The following MAN2A1 variants were observed in gnomAD, a reference collection of about 807,000 sequenced individuals.
MAN2A1 encodes the protein mannosidase alpha class 2A member 1, also known as alpha-mannosidase 2.
A neutral mutation model predicts 142.6 loss-of-function variants in MAN2A1; 76 were observed. The observed-to-expected ratio is 0.53, with a 90% CI of 0.44 to 0.65. The LOEUF is 0.65. Ranked by LOEUF, MAN2A1 falls within the 30% of genes least tolerant of loss-of-function variation. MAN2A1 has a pLI of 0.00. For missense variants in MAN2A1, 1,311 were observed against 1,365.1 expected (o/e 0.96, Z 0.62); for synonymous variants, 559 against 473.2 (o/e 1.18, Z -2.35).
At chr5:109,846,875 G>A (rs1755356927) in intron 18 of MAN2A1, among the ~76,000 whole-genome samples, 1 of 152,110 alleles carries the variant, frequency 6.6e-6, no homozygotes, top group Non-Finnish European at 1.5e-5. Context: ...GATTTTGAAA[G>A]TAGTAATGGT....
At chr5:109,759,034 G>A (rs1752767705) in intron 5 of MAN2A1, among the ~76,000 whole-genome samples, 1 of 151,876 alleles carries the variant, frequency 6.6e-6, no homozygotes, top group Non-Finnish European at 1.5e-5. Context: ...TGCAACTTCC[G>A]TTCTTTTTTT....
At chr5:109,729,623 T>A in intron 4 of MAN2A1, 110 bp downstream of exon 4, 1 of 597,416 alleles carries the variant, frequency 1.7e-6, no homozygotes, top group Non-Finnish European at 2.7e-6. Flanking sequence ...ATTTGAAACT[T>A]AAAATATTTC....
At chr5:109,772,012 A>G (rs1753159230) in intron 7 of MAN2A1, among the ~76,000 whole-genome samples, 3 of 152,110 alleles carry the variant, frequency 2.0e-5, no homozygotes, top group South Asian at 2.1e-4. Flanking sequence ...CCTTGTGCTC[A>G]TTTAGTTCCA....
intron 12 of MAN2A1, among the ~76,000 whole-genome samples, chr5:109,790,253 A>G (rs1304547308): frequency 2.6e-5 from 4 of 151,908 alleles, no homozygotes; most frequent in Non-Finnish European, 5.9e-5. Flanking sequence ...TGCCAATTAT[A>G]GGATAAAACA....
chr5:109,852,548 AGG>A (rs1755510872), intron 19 of MAN2A1, among the ~76,000 whole-genome samples: 1 of 152,208 alleles, frequency 6.6e-6, no homozygotes, highest in Non-Finnish European at 1.5e-5. Context: ...TCATGGACTA[AGG>A]GCTGGAACCC....
chr5:109,777,504 A>G (rs544184504), intron 8 of MAN2A1, among the ~76,000 whole-genome samples: 8 of 152,140 alleles, frequency 5.3e-5, no homozygotes, highest in Admixed American at 3.3e-4. Flanking sequence ...GTTGTCTCCT[A>G]CTATGTAGCC....
Position 109,729,198 on chromosome 5 carries a change from A to G in MAN2A1, c.536-144A>G, listed in dbSNP as rs1582830881. On this transcript the variant is annotated intron_variant, in intron 3 of 21. Coordinates refer to ENST00000261483, the MANE Select transcript of MAN2A1 (RefSeq NM_002372.4). ...CCCATGACAACTAAAATGGAGTTTC[A>G]TTAATTGAAAACACCTGTTAAATTT... is the stretch of plus-strand genomic sequence containing the variant. 16 of 479,776 alleles carry G rather than the reference A, an allele frequency of 3.3e-5. No homozygotes were observed. In the East Asian group the frequency reaches 3.9e-4, roughly 12 times the overall value. 29.7% of individuals were successfully genotyped at this position (479,776 alleles called of 1,614,324 possible). A position where few individuals can be genotyped will look rare whatever the true frequency, so the allele number is the denominator to read the frequency against.
At chr5:109,793,575 G>A (rs1392282769) in intron 12 of MAN2A1, among the ~76,000 whole-genome samples, 1 of 152,076 alleles carries the variant, frequency 6.6e-6, no homozygotes, top group African/African-American at 2.4e-5. Flanking sequence ...TGGAGGTTGG[G>A]TGCCAGAGTG....
At position 109,770,441 on chromosome 5, in the gene MAN2A1, A is replaced by C. The variant is rs769162072; in HGVS notation, c.1096A>C (p.Ile366Leu). Residue 366 changes from isoleucine to leucine, a missense_variant, in exon 7 of 22, where the codon ATA becomes CTA. Transcript: ENST00000261483. ...IPHTCGPDPK[I>L]CCQFDFKRLP... ...TCACACTTGTGGACCTGATCCTAAA[A>C]TATGCTGCCAGTTTGATTTTAAACG... is the stretch of plus-strand genomic sequence containing the variant. The C allele has an allele frequency of 6.2e-7, 1 of 1,614,018 alleles. No homozygotes were observed. The highest frequency in any genetic ancestry group is 8.5e-7 in the Non-Finnish European group (1 of 1,179,908).
chr5:109,801,238 GCTC>G (rs1754022713), intron 12 of MAN2A1, among the ~76,000 whole-genome samples: 1 of 152,142 alleles, frequency 6.6e-6, no homozygotes, highest in Admixed American at 6.5e-5. Flanking sequence ...TTAGCCTGTG[GCTC>G]TTGTTCTTGT....
chr5:109,690,373 C>T lies in MAN2A1; in HGVS notation c.-45C>T, dbSNP rs202022588. ...TCCTAGAGTCCACAGTGCGCTGTCT[C>T]CTTTGGCTGAGGAGAGTGTCCTGGC... On this transcript the variant is annotated 5_prime_UTR_variant, in exon 1 of 22. Coordinates refer to ENST00000261483, the MANE Select transcript of MAN2A1 (RefSeq NM_002372.4). 2.2e-4 allele frequency: 347 copies of T among 1,612,292 alleles called. 1 individual carries two copies. The East Asian group carries it at 6.4e-3, about 30-fold the overall frequency.
rs114818480 is a variant in MAN2A1, at chr5:109,696,635, A to G, written c.135+6083A>G. ...TGCTGTCTACCCGATATCTGCCAAC[A>G]TCACTGTTCTCTCTCTGTACCCCTA... On this transcript the variant is annotated intron_variant, in intron 1 of 21. Transcript: ENST00000261483. Among the ~76,000 whole-genome samples the G allele has an allele frequency of 7.2e-3, 1,092 of 152,334 alleles. 14 individuals carry two copies. Among genetic ancestry groups the G allele is most frequent in the African/African-American group, 0.025 (1,055 of 41,580 alleles).
chr5:109,851,853 C>A (rs1755490617), intron 19 of MAN2A1, among the ~76,000 whole-genome samples: 2 of 151,980 alleles, frequency 1.3e-5, no homozygotes, highest in Non-Finnish European at 1.5e-5. Flanking sequence ...TGGGAGAGAT[C>A]AGATTAAAAT....
chr5:109,817,934 G>GA, intron 13 of MAN2A1, among the ~76,000 whole-genome samples: 1 of 152,208 alleles, frequency 6.6e-6, no homozygotes, highest in South Asian at 2.1e-4. Context: ...TATAATTGTG[G>GA]AAAATCTGTG....
intron 8 of MAN2A1, among the ~76,000 whole-genome samples, chr5:109,779,697 A>C (rs1383468461): frequency 1.3e-5 from 2 of 152,056 alleles, no homozygotes; most frequent in African/African-American, 4.8e-5. Flanking sequence ...ACTTTATTTA[A>C]CTTATTTAGT....
chr5:109,778,898 G>A (rs911416083), intron 8 of MAN2A1, among the ~76,000 whole-genome samples: 1 of 151,970 alleles, frequency 6.6e-6, no homozygotes, highest in Non-Finnish European at 1.5e-5. Context: ...AAAAATTGAC[G>A]TGGAATAGCC....
At chr5:109,837,611 A>G (rs1359083625) in intron 16 of MAN2A1, among the ~76,000 whole-genome samples, 2 of 152,160 alleles carry the variant, frequency 1.3e-5, no homozygotes, top group Non-Finnish European at 2.9e-5. Flanking sequence ...AGCTTGTAGT[A>G]AACATATGGT....
Position 109,713,655 on chromosome 5 carries a change from C to G in MAN2A1, c.271C>G (p.Gln91Glu). ...TGTGGAGGATGGTCCGAAAAGTTCA[C>G]AAAGCAATTTCAGCCAAGGTGCTGG... ...ESVEDGPKSS[Q>E]SNFSQGAGSH... Residue 91 changes from glutamine (Q) to glutamate (E), a missense_variant, in exon 2 of 22, where the codon CAA (glutamine) becomes GAA (glutamate). By Grantham distance (29) the Gln-to-Glu change is conservative. Transcript: ENST00000261483. 6.2e-7 allele frequency: 1 copy of G among 1,614,198 alleles called. No homozygotes were observed. Among genetic ancestry groups the G allele is most frequent in the Non-Finnish European group, 8.5e-7 (1 of 1,180,034 alleles).
intron 12 of MAN2A1, among the ~76,000 whole-genome samples, chr5:109,816,002 A>T (rs1269335877): frequency 6.6e-6 from 1 of 152,238 alleles, no homozygotes; most frequent in Non-Finnish European, 1.5e-5. Flanking sequence ...CAAATTGATT[A>T]TAAATTATAA....
Sources: gnomAD v4.1 joint callset for allele counts (sites outside exome capture counted in the v4.1 genomes callset) on GRCh38, gnomAD v4.1.1 for gene constraint, MANE v1.5 for transcripts, NCBI Gene and HGNC (gene_info 2026-07-23, HGNC 2026-07-21) for gene names.